Variants in PRR14L observed in about 807,000 individuals in gnomAD.
The protein encoded by PRR14L is protein PRR14L.
In PRR14L, 80 loss-of-function variants were observed where a neutral mutation model predicts 155.0. That is an observed-to-expected ratio of 0.52 (90% CI 0.43 to 0.62). PRR14L has a LOEUF of 0.62. Ranked by LOEUF, PRR14L falls within the 20% of genes least tolerant of loss-of-function variation. The pLI is 0.00. For synonymous variants in PRR14L, 883 were observed against 916.0 expected (o/e 0.96, Z 0.65); for missense variants, 2,469 against 2,548.0 (o/e 0.97, Z 0.67).
rs753532004 is a variant in PRR14L, at chr22:31,714,956, T to G, written c.2883A>C (p.Thr961=). 3.9e-6 allele frequency: 6 copies of G among 1,552,114 alleles called. No individual in the cohort carries two copies. Among genetic ancestry groups the G allele is most frequent in the Non-Finnish European group, 5.2e-6 (6 of 1,147,044 alleles). Residue 961 remains threonine (T), a synonymous_variant, in exon 4 of 9, where the codon ACA becomes ACC. Coordinates refer to ENST00000327423, the MANE Select transcript of PRR14L (RefSeq NM_173566.3). Reference sequence around the variant, plus strand: ...GGACTTCATCTGCCTTCTGATCGAGTGTTTCAACTGATTTTACATTTTTAA... The same window carrying G: ...GGACTTCATCTGCCTTCTGATCGAGGGTTTCAACTGATTTTACATTTTTAA... ...SSFKNVKSVE[T]LDQKADEVLD...
chr22:31,748,737 G>A (rs963781367), intron 1 of PRR14L, among the ~76,000 whole-genome samples: 2 of 152,158 alleles, frequency 1.3e-5, no homozygotes, highest in African/African-American at 4.8e-5. Context: ...CAGTCAGGAA[G>A]AAGTGATACC....
chr22:31,745,873 T>C lies in PRR14L; in HGVS notation c.-52+4120A>G, dbSNP rs1196129046. 6.7e-5 allele frequency among the ~76,000 whole-genome samples: 10 copies of C among 148,934 alleles called. No individual in the cohort carries two copies. The East Asian group carries it at 2.0e-3, about 29-fold the overall frequency. ...AAAAAAAAAAAAAAATATATATATA[T>C]ATATAAGCCAAGTATCACAGTGTTA... is the stretch of plus-strand genomic sequence containing the variant. On this transcript the variant is annotated intron_variant, in intron 1 of 8. Transcript: ENST00000327423.
At position 31,715,486 on chromosome 22, in the gene PRR14L, T is replaced by C; in HGVS notation, c.2353A>G (p.Ile785Val). ...TTTCTTACACGATGACAGCTAGAGA[T>C]ATCCTGAGATTGAACGCTGTGACAT... ...IECHSVQSQD[I>V]SSCHRVRKNV... The change falls in exon 4 of 9, where the codon ATC becomes GTC. Residue 785 changes from isoleucine to valine, a missense_variant. By Grantham distance (29) the Ile-to-Val change is conservative. Transcript: ENST00000327423. The C allele has an allele frequency of 1.9e-6, 3 of 1,552,336 alleles. No homozygotes were observed. The highest frequency in any genetic ancestry group is 2.6e-6 in the Non-Finnish European group (3 of 1,147,090).
intron 2 of PRR14L, among the ~76,000 whole-genome samples, chr22:31,729,784 C>A (rs891580595): frequency 6.6e-6 from 1 of 152,060 alleles, no homozygotes; most frequent in Non-Finnish European, 1.5e-5. Flanking sequence ...CTATTTAATG[C>A]GTACTGAGTT....
chr22:31,705,616 C>T (rs1472336592), intron 4 of PRR14L, among the ~76,000 whole-genome samples: 4 of 151,886 alleles, frequency 2.6e-5, no homozygotes, highest in African/African-American at 9.7e-5. Context: ...TTGTGATCCG[C>T]CCACCTTAAA....
At chr22:31,706,527 G>C (rs2074593190) in intron 4 of PRR14L, among the ~76,000 whole-genome samples, 2 of 150,204 alleles carry the variant, frequency 1.3e-5, no homozygotes, top group Admixed American at 1.4e-4. Flanking sequence ...TGGGTTCAAG[G>C]AATTCTCCTG....
intron 4 of PRR14L, among the ~76,000 whole-genome samples, chr22:31,709,533 G>GC (rs2074609661): frequency 1.1e-5 from 1 of 88,546 alleles, no homozygotes. Context: ...CGCCTGTGGG[G>GC]TTTTTTTTTT....
At chr22:31,749,328 G>A (rs2074858843) in intron 1 of PRR14L, among the ~76,000 whole-genome samples, 2 of 152,222 alleles carry the variant, frequency 1.3e-5, no homozygotes, top group African/African-American at 4.8e-5. Context: ...AAGGGAAGAA[G>A]AGAAGCGAGG....
chr22:31,714,485 A>C lies in PRR14L; in HGVS notation c.3354T>G (p.Thr1118=). The C allele has an allele frequency of 6.4e-7, 1 of 1,552,182 alleles. No homozygotes were observed. Among genetic ancestry groups the C allele is most frequent in the Non-Finnish European group, 8.7e-7 (1 of 1,147,092 alleles). ...TGAGAAAGTCCACTGTAGAAGCAGC[A>C]GTAACTGGGAAATCTGAATCCTGAC... ...TTGQDSDFPV[T]AASTVDFLKI... is the part of the protein sequence containing the mutation. The change falls in exon 4 of 9, where the codon ACT becomes ACG. Residue 1118 remains threonine, a synonymous_variant. Transcript: ENST00000327423.
chr22:31,727,645 A>C (rs533520517), intron 2 of PRR14L, among the ~76,000 whole-genome samples: 1 of 152,276 alleles, frequency 6.6e-6, no homozygotes, highest in Admixed American at 6.5e-5. Context: ...GGAAGGCTGG[A>C]GACTCTACAA....
chr22:31,714,218 C>G lies in PRR14L; in HGVS notation c.3621G>C (p.Glu1207Asp). ...TTCCAAAGGTACTTTCTTTGCCAAA[C>G]TCAGAGTTTGGTTCTAGTCTTGATC... ...TEGSRLEPNS[E>D]FGKESTFGIS... The change falls in exon 4 of 9, where the codon GAG (glutamate) becomes GAC (aspartate). Residue 1207 changes from glutamate to aspartate, a missense_variant. Glu to Asp is a conservative substitution (Grantham distance 45). Transcript: ENST00000327423. The G allele has an allele frequency of 6.4e-7, 1 of 1,551,632 alleles. No individual in the cohort carries two copies. Among genetic ancestry groups the G allele is most frequent in the Non-Finnish European group, 8.7e-7 (1 of 1,146,976 alleles).
At chr22:31,737,562 A>G (rs2147875637) in intron 2 of PRR14L, among the ~76,000 whole-genome samples, 1 of 151,996 alleles carries the variant, frequency 6.6e-6, no homozygotes, top group Non-Finnish European at 1.5e-5. Context: ...CCGAGGTGGG[A>G]AGATTGCTTG....
At chr22:31,717,412 C>T in intron 3 of PRR14L, 121 bp from the exon 4 acceptor site, 1 of 781,718 alleles carries the variant, frequency 1.3e-6, no homozygotes, top group Non-Finnish European at 2.0e-6. Flanking sequence ...AAAAAGAAAA[C>T]TGGAAAGTTA....
chr22:31,725,119 G>A (rs1487820042), intron 3 of PRR14L, among the ~76,000 whole-genome samples: 2 of 152,172 alleles, frequency 1.3e-5, no homozygotes, highest in Non-Finnish European at 2.9e-5. Flanking sequence ...GGACTTGCTG[G>A]GTGCGGTGGC....
chr22:31,711,776 CAAAAAAAAAAA>C (rs757790329), intron 4 of PRR14L, among the ~76,000 whole-genome samples: 13 of 48,732 alleles, frequency 2.7e-4, no homozygotes, highest in Middle Eastern at 0.023. Context: ...AAGAGTTAAT[CAAAAAAAAAAA>C]AAAAAAAAAA....
chr22:31,728,568 G>C (rs1412244361), intron 2 of PRR14L, among the ~76,000 whole-genome samples: 1 of 150,092 alleles, frequency 6.7e-6, no homozygotes, highest in African/African-American at 2.5e-5. Flanking sequence ...AGCGGAGATC[G>C]CGCCACTGCA....
intron 4 of PRR14L, among the ~76,000 whole-genome samples, chr22:31,711,044 C>T (rs562340036): frequency 1.7e-3 from 266 of 152,256 alleles, no homozygotes; most frequent in Admixed American, 3.5e-3. Flanking sequence ...ATTCTGTGTT[C>T]TCTACATATC....
chr22:31,739,165 G>A (rs532086309), intron 1 of PRR14L, among the ~76,000 whole-genome samples: 7 of 152,220 alleles, frequency 4.6e-5, no homozygotes, highest in Admixed American at 3.3e-4. Context: ...CAATTTAAAC[G>A]TGAAGGGCCT....
chr22:31,731,345 A>G (rs1479259060), intron 2 of PRR14L, among the ~76,000 whole-genome samples: 2 of 151,986 alleles, frequency 1.3e-5, no homozygotes. Flanking sequence ...TGGGCGGATC[A>G]CGAGGTCAGG....
Sources: gnomAD v4.1 joint callset for allele counts (sites outside exome capture counted in the v4.1 genomes callset) on GRCh38, gnomAD v4.1.1 for gene constraint, MANE v1.5 for transcripts, NCBI Gene and HGNC (gene_info 2026-07-23, HGNC 2026-07-21) for gene names.